PCGF5: variants seen among roughly 807,000 people sequenced by gnomAD.
PCGF5 encodes the protein polycomb group RING finger protein 5.
Under a neutral mutation model 44.3 loss-of-function variants are expected in PCGF5, and 9 were observed. The observed-to-expected ratio is 0.20, with a 90% CI of 0.12 to 0.35. The LOEUF is 0.35. Ranked by LOEUF, PCGF5 falls within the 10% of genes least tolerant of loss-of-function variation. The pLI is 1.00. For synonymous variants in PCGF5, 95 were observed against 102.5 expected (o/e 0.93, Z 0.44); for missense variants, 146 against 305.3 (o/e 0.48, Z 3.89).
rs575333417 is a variant in PCGF5, at chr10:91,230,028, A to G, written c.112+7045A>G. On this transcript the variant is annotated intron_variant, in intron 2 of 9. Transcript: ENST00000336126. ...AATTATAGGTCTTAATCTTGGTGTC[A>G]TCTATTATTAGTAATAATGTTAAAG... 1.1e-4 allele frequency among the ~76,000 whole-genome samples: 16 copies of G among 152,300 alleles called. No homozygotes were observed. In the South Asian group the frequency reaches 3.3e-3, roughly 32 times the overall value.
intron 5 of PCGF5, 113 bp from the exon 6 acceptor site, chr10:91,251,179 A>G: frequency 1.3e-6 from 1 of 772,814 alleles, no homozygotes; most frequent in Non-Finnish European, 2.0e-6. Flanking sequence ...TTCTTCAAAA[A>G]CTGTTAGGAA....
chr10:91,167,232 A>G (rs571047154), intron 1 of PCGF5, among the ~76,000 whole-genome samples: 12 of 152,316 alleles, frequency 7.9e-5, no homozygotes, highest in African/African-American at 2.9e-4. Context: ...GAATATTTCA[A>G]CCTCTCATCC....
intron 7 of PCGF5, among the ~76,000 whole-genome samples, chr10:91,264,144 G>A (rs1345364772): frequency 1.3e-5 from 2 of 152,048 alleles, no homozygotes; most frequent in Non-Finnish European, 2.9e-5. Context: ...ACAGAGATTT[G>A]GACTAAGAAA....
At chr10:91,241,432 A>G (rs566393922) in intron 3 of PCGF5, among the ~76,000 whole-genome samples, 1 of 152,208 alleles carries the variant, frequency 6.6e-6, no homozygotes, top group Non-Finnish European at 1.5e-5. Flanking sequence ...TTTATTCCCA[A>G]TTAGGAAATC....
At chr10:91,173,579 T>G (rs1254852915) in intron 1 of PCGF5, among the ~76,000 whole-genome samples, 1 of 14,218 alleles carries the variant, frequency 7.0e-5, no homozygotes, top group Non-Finnish European at 2.4e-4. Flanking sequence ...GGGAGTTGGC[T>G]TTTTTTTTTT....
chr10:91,257,617 AAGGG>A (rs1455881962), intron 6 of PCGF5, among the ~76,000 whole-genome samples: 4 of 152,118 alleles, frequency 2.6e-5, no homozygotes, highest in Non-Finnish European at 5.9e-5. Flanking sequence ...ATGCTGGACA[AAGGG>A]AGGATTCACA....
intron 1 of PCGF5, among the ~76,000 whole-genome samples, chr10:91,204,624 A>G (rs1403891709): frequency 6.6e-6 from 1 of 152,212 alleles, no homozygotes; most frequent in African/African-American, 2.4e-5. Flanking sequence ...GGAAGATGAT[A>G]AACATGAGAA....
chr10:91,171,909 C>A lies in PCGF5; in HGVS notation c.-184+8828C>A, dbSNP rs142222160. Among the ~76,000 whole-genome samples the A allele has an allele frequency of 1.2e-3, 176 of 152,300 alleles. 2 individuals are homozygous for A. Among genetic ancestry groups the A allele is most frequent in the African/African-American group, 4.0e-3 (167 of 41,562 alleles). On this transcript the variant is annotated intron_variant, in intron 1 of 9. Transcript: ENST00000614189. ...AATGATTTTGTATCAGTGTCAGTGT[C>A]TGTCTTTAAAACTATGGAATACACC...
At chr10:91,162,466 T>A (rs1019791191), upstream of PCGF5, among the ~76,000 whole-genome samples, 4 of 152,112 alleles carry the variant, frequency 2.6e-5, no homozygotes, top group African/African-American at 9.7e-5. Flanking sequence ...TTCCATCTAT[T>A]CAAGGGCACG....
At chr10:91,189,503 G>A (rs1843992668) in intron 1 of PCGF5, among the ~76,000 whole-genome samples, 1 of 152,194 alleles carries the variant, frequency 6.6e-6, no homozygotes, top group South Asian at 2.1e-4. Flanking sequence ...GGTTCAAGAT[G>A]AATTCTACTT....
At chr10:91,201,492 A>C (rs1199195649) in intron 1 of PCGF5, among the ~76,000 whole-genome samples, 4 of 152,178 alleles carry the variant, frequency 2.6e-5, no homozygotes, top group Non-Finnish European at 1.5e-5. Flanking sequence ...GGTCCCATCA[A>C]AGTGAAAGCT....
intron 2 of PCGF5, chr10:91,228,006 G>A (rs1238837148): frequency 5.7e-6 from 5 of 881,534 alleles, no homozygotes; most frequent in Non-Finnish European, 6.8e-6. Context: ...GCAGTGATAG[G>A]TAACTTGAAA....
chr10:91,225,048 T>C (rs1382724633), intron 2 of PCGF5, among the ~76,000 whole-genome samples: 3 of 152,018 alleles, frequency 2.0e-5, no homozygotes, highest in Non-Finnish European at 4.4e-5. Flanking sequence ...CGCATTTCTA[T>C]CTATATGCTA....
intron 1 of PCGF5, among the ~76,000 whole-genome samples, chr10:91,198,355 G>C (rs1300592144): frequency 3.9e-5 from 6 of 152,166 alleles, no homozygotes; most frequent in South Asian, 2.1e-4. Flanking sequence ...CTTTCTCTCT[G>C]TGTAGTCACT....
chr10:91,262,731 A>G (rs1845953026), intron 7 of PCGF5, among the ~76,000 whole-genome samples: 1 of 152,314 alleles, frequency 6.6e-6, no homozygotes, highest in East Asian at 1.9e-4. Flanking sequence ...CAACGTTTGT[A>G]TTAGGAAAAA....
intron 2 of PCGF5, among the ~76,000 whole-genome samples, chr10:91,236,903 A>G (rs1161316340): frequency 1.3e-5 from 2 of 152,206 alleles, no homozygotes; most frequent in East Asian, 1.9e-4. Flanking sequence ...GGCTCTATAC[A>G]GTTTAAAAGG....
At chr10:91,231,329 A>G (rs1163726725) in intron 2 of PCGF5, among the ~76,000 whole-genome samples, 1 of 152,228 alleles carries the variant, frequency 6.6e-6, no homozygotes, top group Non-Finnish European at 1.5e-5. Context: ...TAGGTGATAA[A>G]TACTGTAGAA....
Position 91,270,918 on chromosome 10 carries a change from G to A in PCGF5, c.664-720G>A, listed in dbSNP as rs986230842. ...GCATAGTATTTAAGAATTAGGATTTGGGAATGATTTTTTTAAATGTGAATA... is the reference window on the plus strand; with the variant it reads ...GCATAGTATTTAAGAATTAGGATTTAGGAATGATTTTTTTAAATGTGAATA... On this transcript the variant is annotated intron_variant, in intron 8 of 9. Transcript: ENST00000336126. Among the ~76,000 whole-genome samples the A allele has an allele frequency of 5.3e-5, 8 of 151,958 alleles. No individual in the cohort carries two copies. In the East Asian group the frequency reaches 1.5e-3, roughly 29 times the overall value.
chr10:91,264,265 CAT>C (rs1490475255), intron 7 of PCGF5, among the ~76,000 whole-genome samples, 164 bp from the exon 8 acceptor site: 1 of 152,120 alleles, frequency 6.6e-6, no homozygotes, highest in Non-Finnish European at 1.5e-5. Flanking sequence ...ATATAAGTAA[CAT>C]ATCCAAATTG....
Sources: gnomAD v4.1 joint callset for allele counts (sites outside exome capture counted in the v4.1 genomes callset) on GRCh38, gnomAD v4.1.1 for gene constraint, MANE v1.5 for transcripts, NCBI Gene and HGNC (gene_info 2026-07-23, HGNC 2026-07-21) for gene names.